TRPM3: variants seen among roughly 807,000 people sequenced by gnomAD.
TRPM3 encodes transient receptor potential cation channel subfamily M member 3, also known as long transient receptor potential channel 3.
TRPM3 carries 77 observed loss-of-function variants against 181.2 expected under a neutral mutation model. That is an observed-to-expected ratio of 0.42 (90% CI 0.35 to 0.51). TRPM3 has a LOEUF of 0.51. Among genes scored for constraint, TRPM3 ranks in the 20% least tolerant of loss-of-function variants. The pLI is 0.01. For synonymous variants in TRPM3, 745 were observed against 796.4 expected (o/e 0.94, Z 1.09); for missense variants, 1,759 against 2,196.7 (o/e 0.80, Z 3.98).
intron 1 of TRPM3, among the ~76,000 whole-genome samples, chr9:71,402,746 G>A (rs1254533341): frequency 1.3e-5 from 2 of 152,114 alleles, no homozygotes; most frequent in Non-Finnish European, 2.9e-5. Context: ...CTTATTTTGT[G>A]TTATCTGTGA....
At chr9:71,033,619 A>G (rs556968620) in intron 1 of TRPM3, among the ~76,000 whole-genome samples, 1 of 152,334 alleles carries the variant, frequency 6.6e-6, no homozygotes, top group Admixed American at 6.5e-5. Context: ...GTGGCGATGG[A>G]TTAAATAAAA....
chr9:70,755,084 A>G (rs1221868007), intron 8 of TRPM3, among the ~76,000 whole-genome samples: 2 of 152,178 alleles, frequency 1.3e-5, no homozygotes. Flanking sequence ...AAAAATTTCT[A>G]ACTTATTTTT....
chr9:71,411,219 T>C (rs2093542524), intron 1 of TRPM3, among the ~76,000 whole-genome samples: 1 of 152,132 alleles, frequency 6.6e-6, no homozygotes, highest in African/African-American at 2.4e-5. Flanking sequence ...CTCCCACCAC[T>C]CCTATTCAAC....
At chr9:71,211,082 T>G (rs970947888) in intron 1 of TRPM3, among the ~76,000 whole-genome samples, 1 of 152,180 alleles carries the variant, frequency 6.6e-6, no homozygotes, top group Non-Finnish European at 1.5e-5. Context: ...GGTAACACAG[T>G]CATTCCCTGG....
intron 1 of TRPM3, among the ~76,000 whole-genome samples, chr9:71,340,140 G>T (rs918314962): frequency 6.6e-6 from 1 of 152,118 alleles, no homozygotes. Flanking sequence ...CGCATGCCAG[G>T]GTTGAACAAA....
chr9:71,168,497 C>T (rs2076644197), intron 1 of TRPM3, among the ~76,000 whole-genome samples: 1 of 139,824 alleles, frequency 7.2e-6, no homozygotes, highest in African/African-American at 2.7e-5. Context: ...CCTTCTTTAG[C>T]CCTGACATTT....
chr9:70,549,767 T>G, intron 24 of TRPM3, 93 bp from the exon 25 acceptor site: 1 of 1,358,736 alleles, frequency 7.4e-7, no homozygotes, highest in Non-Finnish European at 9.8e-7. Context: ...AGTATAAATC[T>G]AGGTGGGAAA....
intron 18 of TRPM3, among the ~76,000 whole-genome samples, chr9:70,611,409 A>AT (rs1348266850): frequency 6.6e-6 from 1 of 152,048 alleles, no homozygotes; most frequent in Non-Finnish European, 1.5e-5. Context: ...GTGAGTTCTC[A>AT]TGAGAACTGA....
At chr9:70,641,631 T>C (rs1287895476) in intron 9 of TRPM3, among the ~76,000 whole-genome samples, 1 of 152,180 alleles carries the variant, frequency 6.6e-6, no homozygotes, top group Non-Finnish European at 1.5e-5. Context: ...AAAGTTATAA[T>C]TCCTCAGTCA....
rs149343312 is a variant in TRPM3, at chr9:71,404,534, G to C, written c.183+42119C>G. Among the ~76,000 whole-genome samples the C allele has an allele frequency of 2.0e-4, 31 of 152,106 alleles. No individual in the cohort carries two copies. In the East Asian group the frequency reaches 4.6e-3, roughly 23 times the overall value. ...AGTCTCTCCTTCCTCTTATCTCTAT[G>C]TCTTATGTCAGACAGACCCTGGCCA... On this transcript the variant is annotated intron_variant, in intron 1 of 24. Coordinates refer to the TRPM3 transcript ENST00000357533.
chr9:71,220,832 A>G (rs190064005), intron 1 of TRPM3, among the ~76,000 whole-genome samples: 1 of 152,210 alleles, frequency 6.6e-6, no homozygotes, highest in Admixed American at 6.6e-5. Flanking sequence ...TGACCAACTT[A>G]TTGACACCAT....
chr9:70,535,614 G>A lies in TRPM3; in HGVS notation c.*339C>T. ...AAATCAACAGATGCCTCCTGGCATG[G>A]AGCGTGCTCGAAGCCCCTTGTTTCC... On this transcript the variant is annotated 3_prime_UTR_variant, in exon 26 of 26. Transcript: ENST00000677713. 1.4e-6 allele frequency: 2 copies of A among 1,467,034 alleles called. No homozygotes were observed. The highest frequency in any genetic ancestry group is 1.4e-5 in the African/African-American group (1 of 70,822). 90.9% of individuals were successfully genotyped at this position (1,467,034 alleles called of 1,614,324 possible).
intron 6 of TRPM3, among the ~76,000 whole-genome samples, chr9:70,820,028 T>C (rs549835818): frequency 1.3e-5 from 2 of 152,300 alleles, no homozygotes; most frequent in South Asian, 2.1e-4. Flanking sequence ...TCAATTCATA[T>C]TCAGCTCAAG....
At chr9:71,041,908 C>T (rs1316860009) in intron 1 of TRPM3, among the ~76,000 whole-genome samples, 1 of 152,118 alleles carries the variant, frequency 6.6e-6, no homozygotes, top group Non-Finnish European at 1.5e-5. Context: ...AATATTTTCT[C>T]TTATATTGTC....
At chr9:70,931,497 T>C (rs1192107255) in intron 1 of TRPM3, among the ~76,000 whole-genome samples, 3 of 152,056 alleles carry the variant, frequency 2.0e-5, no homozygotes, top group Non-Finnish European at 4.4e-5. Flanking sequence ...CAAAGATATA[T>C]ACCCACCAGC....
intron 1 of TRPM3, among the ~76,000 whole-genome samples, chr9:71,074,047 A>T (rs1389810004): frequency 6.6e-6 from 1 of 152,174 alleles, no homozygotes; most frequent in Non-Finnish European, 1.5e-5. Flanking sequence ...TAACTTCAAG[A>T]GTTACAACAC....
At chr9:71,197,313 T>TAGTGC (rs1164858745) in intron 1 of TRPM3, among the ~76,000 whole-genome samples, 69 of 152,304 alleles carry the variant, frequency 4.5e-4, no homozygotes, top group African/African-American at 1.5e-3. Flanking sequence ...CTATTGTGAA[T>TAGTGC]AGTGCCGCAA....
At chr9:71,000,163 G>C (rs1432225713) in intron 1 of TRPM3, among the ~76,000 whole-genome samples, 2 of 152,120 alleles carry the variant, frequency 1.3e-5, no homozygotes, top group Non-Finnish European at 2.9e-5. Flanking sequence ...TTGGGAACAA[G>C]TAAACAGTTT....
In TRPM3 at chr9:70,534,465, C is replaced by A. The variant is rs1017545559; in HGVS notation, c.*1488G>T. On this transcript the variant is annotated 3_prime_UTR_variant, in exon 26 of 26. Transcript: ENST00000677713. ...CTTCAAGGTGATAGAAAAGTCCAAG[C>A]CTCTTAAGAAAGCTCTTTATGTCCA... The A allele has an allele frequency of 6.6e-6, 1 of 152,068 alleles. No homozygotes were observed. The highest frequency in any genetic ancestry group is 2.4e-5 in the African/African-American group (1 of 41,382). The allele number at this position is 152,068 out of a possible 1,614,324, so 9.4% of individuals were successfully genotyped here.
Sources: gnomAD v4.1 joint callset for allele counts (sites outside exome capture counted in the v4.1 genomes callset) on GRCh38, gnomAD v4.1.1 for gene constraint, MANE v1.5 for transcripts, NCBI Gene and HGNC (gene_info 2026-07-23, HGNC 2026-07-21) for gene names.